Variants in ATG13 observed in about 807,000 individuals in gnomAD.
The protein encoded by ATG13 is autophagy-related protein 13.
In ATG13, 23 loss-of-function variants were observed where a neutral mutation model predicts 65.5. The ratio of observed to expected loss-of-function variants is 0.35; its 90% confidence interval spans 0.25 to 0.50. The LOEUF is 0.50. Ranked by LOEUF, ATG13 falls within the 20% of genes least tolerant of loss-of-function variation. ATG13 has a pLI of 0.98. For missense variants in ATG13, 566 were observed against 677.0 expected (o/e 0.84, Z 1.82); for synonymous variants, 252 against 245.2 (o/e 1.03, Z -0.26).
At chr11:46,625,533 A>C (rs1269243767) in intron 1 of ATG13, 1 of 151,828 alleles carries the variant, frequency 6.6e-6, no homozygotes, top group African/African-American at 2.4e-5. Flanking sequence ...TAAAGTATTG[A>C]GATTATAGGC....
In ATG13 at chr11:46,668,501, G is replaced by T. The variant is rs1409639101; in HGVS notation, c.1254G>T (p.Val418=). ...GCTTTTCTCCTGTGTCTCTTCAGGT[G>T]ACCCTGACGAGTTTGGATATACCCT... ...GAFVNKPINQ[V]TLTSLDIPFA... is the part of the protein sequence containing the mutation. Residue 418 remains valine (V), a splice_region_variant and synonymous_variant, in exon 16 of 19, where the codon GTG becomes GTT. Transcript: ENST00000683050. 1 of 1,613,882 alleles carries T rather than the reference G, an allele frequency of 6.2e-7. No homozygotes were observed. The highest frequency in any genetic ancestry group is 1.1e-5 in the South Asian group (1 of 91,082).
Position 46,617,898 on chromosome 11 carries a change from C to G in ATG13, c.-70+8C>G, listed in dbSNP as rs562361697. 2.5e-6 allele frequency: 1 copy of G among 399,102 alleles called. No individual in the cohort carries two copies. Among genetic ancestry groups the G allele is most frequent in the Admixed American group, 4.4e-5 (1 of 22,734 alleles). 24.7% of individuals were successfully genotyped at this position (399,102 alleles called of 1,614,324 possible). A position where few individuals can be genotyped will look rare whatever the true frequency, so the allele number is the denominator to read the frequency against. On this transcript the variant is annotated splice_region_variant and intron_variant, in intron 1 of 18. Coordinates refer to ENST00000683050, the MANE Select transcript of ATG13 (RefSeq NM_001346311.2). ...TGTGCCGCAGCTTCGCAGGTACTAA[C>G]TTTTGCGGGGGATACCCCAAGATCT...
At chr11:46,646,934 A>AT (rs2057710363) in intron 5 of ATG13, among the ~76,000 whole-genome samples, 1 of 151,282 alleles carries the variant, frequency 6.6e-6, no homozygotes, top group Admixed American at 6.6e-5. Context: ...TAGTTTTTGT[A>AT]TTTTTTGTAG....
At chr11:46,633,488 C>T (rs2052724843) in intron 2 of ATG13, among the ~76,000 whole-genome samples, 1 of 151,940 alleles carries the variant, frequency 6.6e-6, no homozygotes, top group Non-Finnish European at 1.5e-5. Flanking sequence ...GCTGGGATTA[C>T]AGGCGCCCGC....
rs758322905 is a variant in ATG13, at chr11:46,659,485, G to GGT, written c.789+1_789+2dup. The stretch of plus-strand genomic sequence containing the variant: ...CTTTTTCCACCTCCCCACCATCCCA[G>GGT]GTAGGGGGAAGCAGGTTCTGGGGTG... On this transcript the variant is annotated frameshift_variant and splice_region_variant. Transcript: ENST00000683050. LOFTEE classifies it high-confidence loss of function. 6 of 1,611,534 alleles carry GGT rather than the reference G, an allele frequency of 3.7e-6. No individual in the cohort carries two copies. Among genetic ancestry groups the GGT allele is most frequent in the Non-Finnish European group, 5.1e-6 (6 of 1,177,732 alleles).
chr11:46,659,533 A>G, intron 11 of ATG13, 48 bp downstream of exon 11: 1 of 1,455,174 alleles, frequency 6.9e-7, no homozygotes, highest in South Asian at 1.2e-5. Context: ...TGGTATATAT[A>G]TGGGCTTTAT....
At chr11:46,668,686 T>C in intron 16 of ATG13, 108 bp from the exon 17 acceptor site, 1 of 1,490,664 alleles carries the variant, frequency 6.7e-7, no homozygotes. Context: ...CCCCTCGGCT[T>C]ACGGGTTTGT....
In ATG13 at chr11:46,672,959, C is replaced by T. The variant is rs1012804819; in HGVS notation, c.*627C>T. On this transcript the variant is annotated 3_prime_UTR_variant, in exon 19 of 19. Coordinates refer to ENST00000683050, the MANE Select transcript of ATG13 (RefSeq NM_001346311.2). ...CAAAACCACTCCCACCCCTGAAGGT[C>T]GGGAGGGTCTGAGCAGCCCTGGTGG... 15 of 510,814 alleles carry T rather than the reference C, an allele frequency of 2.9e-5. No individual in the cohort carries two copies. Among genetic ancestry groups the T allele is most frequent in the Middle Eastern group, 1.5e-3 (2 of 1,310 alleles). The allele number at this position is 510,814 out of a possible 1,614,324, so 31.6% of individuals were successfully genotyped here. A position where few individuals can be genotyped will look rare whatever the true frequency, so the allele number is the denominator to read the frequency against.
chr11:46,668,388 T>C (rs1169744446), intron 15 of ATG13, 111 bp from the exon 16 acceptor site: 2 of 1,072,822 alleles, frequency 1.9e-6, no homozygotes, highest in African/African-American at 1.6e-5. Flanking sequence ...GGCAGCATGG[T>C]CAGCATAGCT....
intron 17 of ATG13, 92 bp downstream of exon 17, chr11:46,669,002 G>A (rs577350037): frequency 9.4e-7 from 1 of 1,066,212 alleles, no homozygotes; most frequent in Non-Finnish European, 1.4e-6. Flanking sequence ...CCTTCATAGG[G>A]ATCAGATGTG....
At chr11:46,633,403 C>T (rs1310602266) in intron 2 of ATG13, among the ~76,000 whole-genome samples, 2 of 151,580 alleles carry the variant, frequency 1.3e-5, no homozygotes, top group East Asian at 3.9e-4. Context: ...GGCTGGAGTG[C>T]AATGGCGCAA....
chr11:46,665,286 G>A, intron 13 of ATG13, 97 bp from the exon 14 acceptor site: 4 of 1,465,272 alleles, frequency 2.7e-6, no homozygotes, highest in Non-Finnish European at 3.7e-6. Flanking sequence ...CGTTGGTGAT[G>A]GAAAAGTCAA....
intron 18 of ATG13, among the ~76,000 whole-genome samples, chr11:46,671,145 A>G (rs1323876354): frequency 6.6e-6 from 1 of 152,112 alleles, no homozygotes; most frequent in Non-Finnish European, 1.5e-5. Flanking sequence ...CTCTCCTTTC[A>G]GGAAGCTGCA....
At chr11:46,642,887 A>T (rs765821229) in intron 2 of ATG13, among the ~76,000 whole-genome samples, 9 of 152,184 alleles carry the variant, frequency 5.9e-5, no homozygotes, top group Non-Finnish European at 1.0e-4. Context: ...CAAGATGCTC[A>T]TGGTCTGGCC....
intron 6 of ATG13, 65 bp downstream of exon 6, chr11:46,649,248 A>G (rs1591894872): frequency 1.3e-6 from 2 of 1,545,002 alleles, no homozygotes; most frequent in East Asian, 2.3e-5. Flanking sequence ...ACATCATGTG[A>G]AAAGCAGGGC....
intron 5 of ATG13, among the ~76,000 whole-genome samples, chr11:46,647,478 A>C (rs566306281): frequency 6.6e-6 from 1 of 151,708 alleles, no homozygotes; most frequent in Non-Finnish European, 1.5e-5. Context: ...AGGTTTCACC[A>C]TGTTGGCCAG....
chr11:46,657,019 A>T, intron 8 of ATG13, 76 bp from the exon 9 acceptor site: 1 of 1,260,660 alleles, frequency 7.9e-7, no homozygotes. Flanking sequence ...TAGGCCAAAT[A>T]ATTCAGGGAA....
In ATG13 at chr11:46,668,519, T is replaced by G. The variant is rs754419558; in HGVS notation, c.1272T>G (p.Asp424Glu). Reference sequence around the variant, plus strand: ...TTCAGGTGACCCTGACGAGTTTGGATATACCCTTTGCCATGTTTGCTCCCA... The same window carrying G: ...TTCAGGTGACCCTGACGAGTTTGGAGATACCCTTTGCCATGTTTGCTCCCA... ...PINQVTLTSL[D>E]IPFAMFAPKN... is the part of the protein sequence containing the mutation. The change falls in exon 16 of 19, where the codon GAT (aspartate) becomes GAG (glutamate). Residue 424 changes from aspartate to glutamate, a missense_variant. By Grantham distance (45) the Asp-to-Glu change is conservative. Around this residue, in one of 2 missense-constraint regions of ATG13, gnomAD observed 387 missense variants for 409.8 expected, o/e 0.94. Transcript: ENST00000683050. 1.9e-6 allele frequency: 3 copies of G among 1,614,212 alleles called. No homozygotes were observed. The highest frequency in any genetic ancestry group is 1.7e-5 in the Admixed American group (1 of 60,018).
At chr11:46,650,038 T>C in intron 6 of ATG13, 139 bp from the exon 7 acceptor site, 1 of 889,678 alleles carries the variant, frequency 1.1e-6, no homozygotes, top group Non-Finnish European at 1.6e-6. Flanking sequence ...AGTAAAACAT[T>C]GGCTTACCTC....
Sources: allele counts gnomAD v4.1 joint callset (sites outside exome capture counted in the v4.1 genomes callset), GRCh38; gene constraint gnomAD v4.1.1; regional missense constraint gnomAD v4.1.1; transcripts MANE v1.5; gene names NCBI Gene and HGNC (gene_info 2026-07-23, HGNC 2026-07-21).